PCNX1: variants seen among roughly 807,000 people sequenced by gnomAD.
PCNX1 encodes pecanex-like protein 1.
Under a neutral mutation model 242.2 loss-of-function variants are expected in PCNX1, and 78 were observed. That is an observed-to-expected ratio of 0.32 (90% CI 0.27 to 0.39). PCNX1 has a LOEUF of 0.39. PCNX1 is among the 10% of genes least tolerant of loss of function. The probability of loss-of-function intolerance (pLI) is 1.00; values close to 1 mark genes in which losing one functional copy is unlikely to be tolerated. For missense variants in PCNX1, 2,581 were observed against 2,856.5 expected (o/e 0.90, Z 2.20); for synonymous variants, 1,024 against 1,032.9 (o/e 0.99, Z 0.17).
intron 24 of PCNX1, chr14:71,053,422 A>G (rs1404614741): frequency 5.2e-6 from 2 of 382,392 alleles, no homozygotes; most frequent in South Asian, 2.0e-5. Flanking sequence ...GGTTCAAGCA[A>G]TTCTCCTGCC....
intron 13 of PCNX1, among the ~76,000 whole-genome samples, 176 bp from the exon 14 acceptor site, chr14:71,025,941 T>C (rs2060232512): frequency 6.6e-6 from 1 of 152,142 alleles, no homozygotes; most frequent in African/African-American, 2.4e-5. Context: ...TATCTCAGAG[T>C]TCATTCTGTT....
intron 32 of PCNX1, among the ~76,000 whole-genome samples, chr14:71,103,924 G>T (rs528493826): frequency 6.6e-6 from 1 of 152,160 alleles, no homozygotes; most frequent in African/African-American, 2.4e-5. Context: ...CCCTTTATTT[G>T]TTTAATTTTT....
At chr14:71,068,972 C>T (rs1003406586) in intron 26 of PCNX1, among the ~76,000 whole-genome samples, 21 of 151,930 alleles carry the variant, frequency 1.4e-4, no homozygotes, top group African/African-American at 4.4e-4. Flanking sequence ...AACACGTACT[C>T]GAGACTAGGT....
At chr14:70,934,819 A>G (rs1391390670) in intron 1 of PCNX1, among the ~76,000 whole-genome samples, 1 of 152,206 alleles carries the variant, frequency 6.6e-6, no homozygotes, top group Non-Finnish European at 1.5e-5. Context: ...AGTTTTGTAA[A>G]ACGAAAAAGT....
At chr14:71,049,433 A>G (rs1373749849) in intron 22 of PCNX1, among the ~76,000 whole-genome samples, 2 of 152,154 alleles carry the variant, frequency 1.3e-5, no homozygotes, top group Non-Finnish European at 2.9e-5. Flanking sequence ...CATGGATTTA[A>G]TAACCTTTTA....
rs999787856 is a variant in PCNX1 at position 71,022,058 on chromosome 14, C to A, written c.3151-1142C>A. Among the ~76,000 whole-genome samples, 7 of 152,260 alleles carry A rather than the reference C, an allele frequency of 4.6e-5. 1 individual carries two copies. The highest frequency in any genetic ancestry group is 1.7e-4 in the African/African-American group (7 of 41,566). On this transcript the variant is annotated intron_variant, in intron 12 of 35. Coordinates refer to ENST00000304743, the MANE Select transcript of PCNX1 (RefSeq NM_014982.3). ...ATTTTAAAAATAGCAAATTAATCAT[C>A]TCCTGGTTAATTTTTCTTTCCCAAT...
intron 1 of PCNX1, among the ~76,000 whole-genome samples, chr14:70,913,475 G>A (rs1296736226): frequency 2.0e-5 from 3 of 152,174 alleles, no homozygotes; most frequent in East Asian, 1.9e-4. Context: ...TGTGCATACA[G>A]CTGTGTGGTT....
intron 26 of PCNX1, among the ~76,000 whole-genome samples, chr14:71,067,506 T>G (rs1356736774): frequency 6.6e-6 from 1 of 152,194 alleles, no homozygotes; most frequent in African/African-American, 2.4e-5. Context: ...CTCTCTTTTC[T>G]TCATTTGTCT....
intron 8 of PCNX1, among the ~76,000 whole-genome samples, chr14:70,997,688 T>G (rs566934866): frequency 2.6e-5 from 4 of 152,146 alleles, no homozygotes; most frequent in Non-Finnish European, 5.9e-5. Flanking sequence ...AATTGAATAC[T>G]TAGTAATAAT....
Position 70,989,610 on chromosome 14 carries a change from A to AC in PCNX1, c.2444+913dup, listed in dbSNP as rs762249545. Among the ~76,000 whole-genome samples the AC allele has an allele frequency of 4.0e-5, 6 of 148,692 alleles. No homozygotes were observed. In the South Asian group the frequency reaches 1.3e-3, roughly 31 times the overall value. ...AGTCGCGTGATCTTGGCTCACTGCA[A>AC]CCTCCGCCTCCCAAGTTCAAGTGAT... On this transcript the variant is annotated intron_variant, in intron 7 of 35. Transcript: ENST00000304743.
In PCNX1 at chr14:71,103,685, G is replaced by A. The variant is rs759484079; in HGVS notation, c.6095+16G>A. 1.2e-6 allele frequency: 2 copies of A among 1,611,974 alleles called. No individual in the cohort carries two copies. Among genetic ancestry groups the A allele is most frequent in the Non-Finnish European group, 1.7e-6 (2 of 1,178,744 alleles). ...CCTGGCACAGGTGAGCCAAGGGATT[G>A]TATTATTCAGTGCTGGTGTATTCCT... On this transcript the variant is annotated intron_variant, in intron 32 of 35. Transcript: ENST00000304743.
intron 1 of PCNX1, among the ~76,000 whole-genome samples, chr14:70,936,890 G>C (rs957757193): frequency 1.3e-5 from 2 of 152,206 alleles, no homozygotes; most frequent in Non-Finnish European, 2.9e-5. Flanking sequence ...CAGTGATGAA[G>C]AGCATTTTTT....
chr14:70,981,365 G>A (rs1025545201), intron 6 of PCNX1, among the ~76,000 whole-genome samples: 8 of 152,114 alleles, frequency 5.3e-5, no homozygotes, highest in Non-Finnish European at 1.0e-4. Context: ...GTGCCATTGT[G>A]AAACTCAATA....
Position 70,907,814 on chromosome 14 carries a change from GCGGCGGCGGCGGCGA to G in PCNX1, c.-25_-11del, listed in dbSNP as rs1217458174. 14 of 1,237,714 alleles carry G rather than the reference GCGGCGGCGGCGGCGA, an allele frequency of 1.1e-5. No individual in the cohort carries two copies. Among genetic ancestry groups the G allele is most frequent in the Middle Eastern group, 3.2e-4 (1 of 3,112 alleles). 76.7% of individuals were successfully genotyped at this position (1,237,714 alleles called of 1,614,324 possible). ...AGCTGGGGCCGGGGCGGGGACGGCG[GCGGCGGCGGCGGCGA>G]CGGCGGCGGCGCCGGGTGGGGATGG... is the stretch of plus-strand genomic sequence containing the variant. On this transcript the variant is annotated 5_prime_UTR_variant, in exon 1 of 36. Transcript: ENST00000304743.
chr14:71,018,436 A>T (rs2060013734), intron 11 of PCNX1, among the ~76,000 whole-genome samples: 1 of 152,146 alleles, frequency 6.6e-6, no homozygotes, highest in South Asian at 2.1e-4. Context: ...ATAGAAGCAG[A>T]GGTGTTTGTC....
At chr14:71,042,728 T>G (rs1228299062) in intron 19 of PCNX1, among the ~76,000 whole-genome samples, 1 of 152,134 alleles carries the variant, frequency 6.6e-6, no homozygotes, top group Non-Finnish European at 1.5e-5. Context: ...CATTCAGGGT[T>G]TTTTGCTAGG....
At chr14:71,055,613 A>G (rs2061162397) in intron 25 of PCNX1, 51 bp downstream of exon 25, 2 of 1,105,018 alleles carry the variant, frequency 1.8e-6, no homozygotes, top group Non-Finnish European at 2.7e-6. Flanking sequence ...TTTGTTTTAT[A>G]TATATATGTT....
chr14:71,074,066 T>C (rs1419396037), intron 27 of PCNX1, among the ~76,000 whole-genome samples: 1 of 152,206 alleles, frequency 6.6e-6, no homozygotes, highest in Non-Finnish European at 1.5e-5. Flanking sequence ...TGCTAAGGAA[T>C]ATGTACACAC....
In PCNX1 at chr14:70,980,881, T is replaced by A. The variant is rs147474344; in HGVS notation, c.2311+2233T>A. Among the ~76,000 whole-genome samples the A allele has an allele frequency of 8.9e-3, 1,355 of 152,294 alleles. 9 individuals are homozygous for A. Among genetic ancestry groups the A allele is most frequent in the South Asian group, 0.017 (82 of 4,826 alleles). ...TACCTATGCATAAACCATAGGTAGA[T>A]TTTATCCTAAAGAATATGAAGGTGT... On this transcript the variant is annotated intron_variant, in intron 6 of 35. Coordinates refer to ENST00000304743, the MANE Select transcript of PCNX1 (RefSeq NM_014982.3).
Sources: allele counts gnomAD v4.1 joint callset (sites outside exome capture counted in the v4.1 genomes callset), GRCh38; gene constraint gnomAD v4.1.1; transcripts MANE v1.5; gene names NCBI Gene and HGNC (gene_info 2026-07-23, HGNC 2026-07-21).